The following CSMD3 variants were observed in gnomAD, a reference collection of about 807,000 sequenced individuals.
CSMD3 encodes CUB and Sushi multiple domains 3.
Under a neutral mutation model 435.2 loss-of-function variants are expected in CSMD3, and 177 were observed. The observed-to-expected ratio is 0.41, with a 90% CI of 0.36 to 0.46. CSMD3 has a LOEUF of 0.46. Among genes scored for constraint, CSMD3 ranks in the 20% least tolerant of loss-of-function variants. The pLI, the probability that CSMD3 is intolerant of heterozygous loss-of-function variation, is 0.34. For synonymous variants in CSMD3, 1,656 were observed against 1,520.5 expected (o/e 1.09, Z -2.07); for missense variants, 4,265 against 4,504.6 (o/e 0.95, Z 1.52).
At chr8:113,076,632 A>G in intron 5 of CSMD3, among the ~76,000 whole-genome samples, 1 of 152,254 alleles carries the variant, frequency 6.6e-6, no homozygotes, top group East Asian at 1.9e-4. Context: ...TTTTCTTCAT[A>G]AAAACATGAC....
At chr8:112,430,773 T>G (rs1009607541) in intron 32 of CSMD3, among the ~76,000 whole-genome samples, 21 of 152,022 alleles carry the variant, frequency 1.4e-4, no homozygotes, top group African/African-American at 5.1e-4. Flanking sequence ...GTCTAGAGAT[T>G]GATGGTGCGG....
chr8:113,249,043 T>C (rs1292682185), intron 3 of CSMD3, among the ~76,000 whole-genome samples: 1 of 152,026 alleles, frequency 6.6e-6, no homozygotes, highest in Non-Finnish European at 1.5e-5. Flanking sequence ...AAATGAGTCA[T>C]GGGGGTGGTT....
chr8:112,816,904 A>G (rs2079390366), intron 12 of CSMD3, among the ~76,000 whole-genome samples: 1 of 151,896 alleles, frequency 6.6e-6, no homozygotes, highest in Non-Finnish European at 1.5e-5. Flanking sequence ...ATCAGGAAAA[A>G]GTGTTGTTAG....
chr8:112,810,385 C>A (rs1227106673), intron 12 of CSMD3, among the ~76,000 whole-genome samples: 1 of 151,778 alleles, frequency 6.6e-6, no homozygotes, highest in East Asian at 1.9e-4. Flanking sequence ...AATTAACAGA[C>A]AAATCTGACG....
chr8:112,390,372 G>A (rs1044417025), intron 36 of CSMD3, among the ~76,000 whole-genome samples: 1 of 152,182 alleles, frequency 6.6e-6, no homozygotes, highest in East Asian at 1.9e-4. Flanking sequence ...TGGAAATAAC[G>A]TGGGTGAGGA....
chr8:112,629,789 GT>G (rs574461625), intron 22 of CSMD3, among the ~76,000 whole-genome samples: 76 of 152,226 alleles, frequency 5.0e-4, no homozygotes, highest in Non-Finnish European at 1.0e-3. Flanking sequence ...CATGATACCT[GT>G]TTTTTTAGCA....
chr8:112,268,160 A>G (rs1167816270), intron 59 of CSMD3, among the ~76,000 whole-genome samples: 2 of 152,194 alleles, frequency 1.3e-5, no homozygotes, highest in African/African-American at 4.8e-5. Context: ...TATTTTCTTA[A>G]GAGTCTCATC....
chr8:112,942,279 T>C (rs1007699163), intron 9 of CSMD3, among the ~76,000 whole-genome samples: 3 of 150,378 alleles, frequency 2.0e-5, no homozygotes, highest in Non-Finnish European at 4.4e-5. Flanking sequence ...TGAGTGTAAA[T>C]TAGTTCAGCC....
At chr8:112,510,988 G>T (rs1239125820) in intron 28 of CSMD3, among the ~76,000 whole-genome samples, 2 of 152,048 alleles carry the variant, frequency 1.3e-5, no homozygotes, top group South Asian at 4.2e-4. Flanking sequence ...TACCTTTGGG[G>T]CTCTGAAAAT....
intron 13 of CSMD3, among the ~76,000 whole-genome samples, chr8:112,706,971 C>T (rs2076511730): frequency 6.6e-6 from 1 of 152,054 alleles, no homozygotes; most frequent in African/African-American, 2.4e-5. Flanking sequence ...AACATTTTCT[C>T]TGAAGTACCT....
intron 4 of CSMD3, among the ~76,000 whole-genome samples, chr8:113,152,132 C>T (rs2091821456): frequency 1.3e-5 from 2 of 151,888 alleles, no homozygotes; most frequent in African/African-American, 4.8e-5. Context: ...AATCCTCAGA[C>T]ACTCTGATCC....
At chr8:112,854,420 G>A (rs2080587570) in intron 11 of CSMD3, among the ~76,000 whole-genome samples, 1 of 152,130 alleles carries the variant, frequency 6.6e-6, no homozygotes, top group Admixed American at 6.5e-5. Flanking sequence ...GCACTTGATG[G>A]CTAACATATC....
intron 10 of CSMD3, among the ~76,000 whole-genome samples, chr8:112,900,141 A>C (rs1392713921): frequency 1.1e-4 from 16 of 151,092 alleles, no homozygotes; most frequent in Non-Finnish European, 5.9e-5. Flanking sequence ...GGCAGTCCTG[A>C]CCCATGGAAT....
At chr8:113,036,964 C>T (rs1259938800) in intron 5 of CSMD3, among the ~76,000 whole-genome samples, 2 of 152,032 alleles carry the variant, frequency 1.3e-5, no homozygotes, top group African/African-American at 4.8e-5. Flanking sequence ...AATAATAAGA[C>T]ACAGTATTTA....
intron 5 of CSMD3, among the ~76,000 whole-genome samples, chr8:113,040,780 T>C (rs1359450394): frequency 6.6e-6 from 1 of 151,978 alleles, no homozygotes; most frequent in Non-Finnish European, 1.5e-5. Context: ...GTCACCAGTA[T>C]ATACATATGG....
intron 13 of CSMD3, among the ~76,000 whole-genome samples, chr8:112,691,454 C>T (rs1020353516): frequency 6.6e-6 from 1 of 151,916 alleles, no homozygotes; most frequent in African/African-American, 2.4e-5. Context: ...ATCTGAGTAC[C>T]ATTTTTTTTC....
intron 47 of CSMD3, among the ~76,000 whole-genome samples, chr8:112,317,259 GA>G (rs1262807924): frequency 6.6e-6 from 1 of 151,968 alleles, no homozygotes; most frequent in East Asian, 1.9e-4. Context: ...GAAAGTCTGA[GA>G]GACAAAAAAC....
At chr8:112,322,287 C>G (rs1315922001) in intron 45 of CSMD3, among the ~76,000 whole-genome samples, 2 of 152,034 alleles carry the variant, frequency 1.3e-5, no homozygotes, top group African/African-American at 4.8e-5. Context: ...AACTCAGTCA[C>G]AGGATTTAAA....
intron 32 of CSMD3, among the ~76,000 whole-genome samples, chr8:112,438,312 G>T (rs1411501786): frequency 6.6e-6 from 1 of 152,132 alleles, no homozygotes; most frequent in Non-Finnish European, 1.5e-5. Context: ...GATAAATTTT[G>T]ATTTCTGGTT....
Sources: allele counts gnomAD v4.1 joint callset (sites outside exome capture counted in the v4.1 genomes callset), GRCh38; gene constraint gnomAD v4.1.1; transcripts MANE v1.5; gene names NCBI Gene and HGNC (gene_info 2026-07-23, HGNC 2026-07-21).